MICAL3: variants seen among roughly 807,000 people sequenced by gnomAD.
The protein encoded by MICAL3 is microtubule associated monooxygenase, calponin and LIM domain containing 3.
A neutral mutation model predicts 207.4 loss-of-function variants in MICAL3; 62 were observed. The ratio of observed to expected loss-of-function variants is 0.30; its 90% CI spans 0.24 to 0.37. The LOEUF is 0.37. MICAL3 is among the 10% of genes least tolerant of loss of function. The probability of loss-of-function intolerance (pLI) is 1.00; values close to 1 mark genes in which losing one functional copy is unlikely to be tolerated. For synonymous variants in MICAL3, 1,077 were observed against 1,069.3 expected, an observed-to-expected ratio of 1.01 and a Z score of -0.14; for missense variants, 2,368 against 2,635.6, an observed-to-expected ratio of 0.90 and a Z score of 2.22.
intron 1 of MICAL3, among the ~76,000 whole-genome samples, chr22:17,967,584 T>C (rs985416602): frequency 5.9e-5 from 9 of 151,998 alleles, no homozygotes; most frequent in Admixed American, 5.2e-4. Context: ...TTCTAACAAA[T>C]TCAGTTCAAT....
Position 17,817,961 on chromosome 22 carries a change from C to T in MICAL3, c.4700G>A (p.Arg1567Lys). The change falls in exon 26 of 32, where the codon AGG becomes AAG. Residue 1567 changes from arginine (R) to lysine (K), a missense_variant. Arg to Lys is a conservative substitution (Grantham distance 26, BLOSUM62 2). This residue lies in a region of MICAL3 where 1,770 missense variants were observed against 1,863.2 expected (regional missense o/e 0.95). Coordinates refer to ENST00000441493, the MANE Select transcript of MICAL3 (RefSeq NM_015241.3). ...RHPPLAKENG[R>K]LPALEGTLQP... ...CAGCGTCCCCTCCAGAGCAGGCAGC[C>T]TCCCGTTCTCCTTGGCCAGGGGCGG... 6.2e-7 allele frequency: 1 copy of T among 1,612,542 alleles called. No individual in the cohort carries two copies.
intron 1 of MICAL3, among the ~76,000 whole-genome samples, chr22:18,000,672 G>A (rs1407782928): frequency 2.0e-5 from 3 of 152,234 alleles, no homozygotes; most frequent in Non-Finnish European, 2.9e-5. Flanking sequence ...CTCCAAAAGC[G>A]CGGTCCCCTC....
intron 19 of MICAL3, among the ~76,000 whole-genome samples, chr22:17,849,524 G>T (rs532031191): frequency 4.0e-5 from 6 of 151,504 alleles, no homozygotes; most frequent in African/African-American, 1.5e-4. Context: ...TTTTAGAAAC[G>T]GGGTCTTGCT....
intron 1 of MICAL3, among the ~76,000 whole-genome samples, chr22:17,994,317 C>T (rs1473844390): frequency 6.6e-6 from 1 of 152,202 alleles, no homozygotes; most frequent in African/African-American, 2.4e-5. Flanking sequence ...CTCCAGGTGC[C>T]AGGAGTGAGC....
In MICAL3 at chr22:17,844,038, G is replaced by A. The variant is rs529255929; in HGVS notation, c.2606-2021C>T. Among the ~76,000 whole-genome samples, 10 of 152,214 alleles carry A rather than the reference G, an allele frequency of 6.6e-5. No individual in the cohort carries two copies. The South Asian group carries it at 8.3e-4, about 13-fold the overall frequency. On this transcript the variant is annotated intron_variant, in intron 19 of 31. Transcript: ENST00000441493. ...GTTTTTTTGTATTTTTAGTAGAGAC[G>A]GGTTTCACCATGTTAGCCAGGATGG...
chr22:18,017,497 G>A (rs570613122), intron 1 of MICAL3, among the ~76,000 whole-genome samples: 2 of 152,058 alleles, frequency 1.3e-5, no homozygotes, highest in East Asian at 3.9e-4. Context: ...TTACAGGCAT[G>A]AGCCACCGTG....
chr22:17,902,082 C>T lies in MICAL3; in HGVS notation c.590-103G>A. 1.3e-6 allele frequency: 1 copy of T among 766,812 alleles called. No individual in the cohort carries two copies. The highest frequency in any genetic ancestry group is 2.1e-6 in the Non-Finnish European group (1 of 466,268). 47.5% of individuals were successfully genotyped at this position (766,812 alleles called of 1,614,324 possible). ...CATGTGAACTGCACAAAACCCTGGG[C>T]CAAAAACACTATGTGTAGAAGCAGT... is the stretch of plus-strand genomic sequence containing the variant. On this transcript the variant is annotated intron_variant, in intron 4 of 31. Transcript: ENST00000441493. This position sits in a 1 kb window ranked among gnomAD's most constrained non-coding sequence, Gnocchi z 4.5.
At chr22:17,886,145 G>C (rs566510622) in intron 15 of MICAL3, 94 bp from the exon 16 acceptor site, 1 of 1,364,684 alleles carries the variant, frequency 7.3e-7, no homozygotes, top group Non-Finnish European at 1.0e-6. Flanking sequence ...CCTGGCATGG[G>C]GGCTGGTGGA....
At chr22:17,987,076 A>G (rs1484393631) in intron 1 of MICAL3, among the ~76,000 whole-genome samples, 1 of 151,820 alleles carries the variant, frequency 6.6e-6, no homozygotes, top group East Asian at 1.9e-4. Context: ...CATCTCCACT[A>G]AAAATAAAAA....
chr22:17,827,601 T>C (rs5992121), intron 22 of MICAL3, 43 bp downstream of exon 22: 576,447 of 1,506,322 alleles, frequency 0.38, 113,020 homozygotes, highest in African/African-American at 0.42. Context: ...AGCAGGCGGG[T>C]GGTGCTCGGG....
At position 17,831,836 on chromosome 22, in the gene MICAL3, C is replaced by T; in HGVS notation, c.3055+18G>A. 6.5e-7 allele frequency: 1 copy of T among 1,548,506 alleles called. No individual in the cohort carries two copies. The highest frequency in any genetic ancestry group is 8.7e-7 in the Non-Finnish European group (1 of 1,145,634). ...TTGGGGGGCAGGGCAGAGTTCGGAG[C>T]AGAGATTTTGTTCTGACCTTCACTG... On this transcript the variant is annotated intron_variant, in intron 21 of 31. Transcript: ENST00000441493.
At chr22:17,810,469 A>G (rs1371186910) in intron 28 of MICAL3, among the ~76,000 whole-genome samples, 1 of 152,128 alleles carries the variant, frequency 6.6e-6, no homozygotes, top group Non-Finnish European at 1.5e-5. Flanking sequence ...AAGTGCTGGG[A>G]TTACAGGCAT....
intron 1 of MICAL3, among the ~76,000 whole-genome samples, chr22:17,935,287 C>T (rs1933462036): frequency 6.6e-6 from 1 of 152,144 alleles, no homozygotes; most frequent in Non-Finnish European, 1.5e-5. Context: ...CATCTACAAC[C>T]ATCTGATCTT....
rs761715830 is a variant in MICAL3, at chr22:17,817,634, G to A, written c.5027C>T (p.Pro1676Leu). ...GCCATCTGGGCCCCCTGAGTCCGAC[G>A]GCGGGGAGAGGACCTCCTCGCTGGT... Reference protein sequence around the residue: ...EATSEEVLSPPSDSGGPDGSF... With the variant: ...EATSEEVLSPLSDSGGPDGSF... Residue 1676 changes from proline to leucine, a missense_variant, in exon 26 of 32, where the codon CCG becomes CTG. Pro to Leu is a moderately conservative substitution (Grantham distance 98). Coordinates refer to ENST00000441493, the MANE Select transcript of MICAL3 (RefSeq NM_015241.3). 13 of 1,612,952 alleles carry A rather than the reference G, an allele frequency of 8.1e-6. No individual in the cohort carries two copies. Among genetic ancestry groups the A allele is most frequent in the East Asian group, 2.2e-5 (1 of 44,866 alleles).
Position 17,804,275 on chromosome 22 carries a change from A to G in MICAL3, c.5650+4569T>C, listed in dbSNP as rs540614548. ...GTCAGTTGCTGATACTGGAAGCCCC[A>G]GGCTGAGGGCCTGGAGGCAGGAGGC... On this transcript the variant is annotated intron_variant, in intron 29 of 31. Transcript: ENST00000441493. 5.3e-5 allele frequency among the ~76,000 whole-genome samples: 8 copies of G among 152,332 alleles called. No individual in the cohort carries two copies. The East Asian group carries it at 1.2e-3, about 22-fold the overall frequency.
At chr22:17,794,048 C>T (rs557847934) in intron 29 of MICAL3, among the ~76,000 whole-genome samples, 6 of 152,182 alleles carry the variant, frequency 3.9e-5, no homozygotes, top group South Asian at 4.1e-4. Flanking sequence ...CGGAACTGAA[C>T]GAGAGCAGAT....
At chr22:17,863,400 C>T (rs942256837) in intron 19 of MICAL3, 2 of 985,286 alleles carry the variant, frequency 2.0e-6, no homozygotes, top group African/African-American at 3.5e-5. Flanking sequence ...TAGCATAAAG[C>T]CAAAGTCTCT....
At chr22:17,954,750 CT>C (rs60984165) in intron 1 of MICAL3, among the ~76,000 whole-genome samples, 156 of 144,368 alleles carry the variant, frequency 1.1e-3, no homozygotes, top group Middle Eastern at 3.6e-3. Flanking sequence ...AAGTCTTTTC[CT>C]TTTTTTTTTT....
intron 1 of MICAL3, among the ~76,000 whole-genome samples, chr22:17,962,509 A>G (rs73876538): frequency 2.2e-3 from 328 of 152,336 alleles, no homozygotes; most frequent in African/African-American, 7.6e-3. Flanking sequence ...GCCTGATTGC[A>G]GCCAGGAGGG....
Sources: allele counts gnomAD v4.1 joint callset (sites outside exome capture counted in the v4.1 genomes callset), GRCh38; gene constraint gnomAD v4.1.1; regional missense constraint gnomAD v4.1.1; non-coding constraint Gnocchi (gnomAD v3.1); transcripts MANE v1.5; gene names NCBI Gene and HGNC (gene_info 2026-07-23, HGNC 2026-07-21).